The following MBOAT1 variants were observed in gnomAD, a reference collection of about 807,000 sequenced individuals.
MBOAT1 encodes membrane bound glycerophospholipid O-acyltransferase 1.
In MBOAT1, 67 loss-of-function variants were observed where a neutral mutation model predicts 64.4. The observed-to-expected ratio is 1.04, with a 90% CI of 0.85 to 1.27. The LOEUF is 1.27. Ranked by LOEUF, MBOAT1 falls within the 50% of genes most tolerant of loss-of-function variation. MBOAT1 has a pLI of 0.00. For synonymous variants in MBOAT1, 229 were observed against 218.9 expected (o/e 1.05, Z -0.41); for missense variants, 563 against 604.6 (o/e 0.93, Z 0.72).
chr6:20,156,798 C>T (rs1761702353), intron 1 of MBOAT1, among the ~76,000 whole-genome samples: 1 of 152,158 alleles, frequency 6.6e-6, no homozygotes, highest in South Asian at 2.1e-4. Flanking sequence ...TATCCTGAAA[C>T]TTTGCTGAAG....
At chr6:20,158,807 C>T (rs147886386) in intron 1 of MBOAT1, among the ~76,000 whole-genome samples, 36 of 152,298 alleles carry the variant, frequency 2.4e-4, no homozygotes, top group African/African-American at 7.7e-4. Flanking sequence ...CCAGCAGATA[C>T]GTGCAGAAAT....
chr6:20,158,168 A>AAG (rs1761751928), intron 1 of MBOAT1, among the ~76,000 whole-genome samples: 1 of 5,514 alleles, frequency 1.8e-4, no homozygotes. Context: ...AAAAAAAAAG[A>AAG]AAAAAAAAAA....
At chr6:20,165,969 T>C (rs1762005508) in intron 1 of MBOAT1, among the ~76,000 whole-genome samples, 1 of 152,074 alleles carries the variant, frequency 6.6e-6, no homozygotes, top group East Asian at 1.9e-4. Flanking sequence ...TGAATGCTCA[T>C]TTAAAAAAAA....
intron 3 of MBOAT1, among the ~76,000 whole-genome samples, chr6:20,146,986 T>C (rs1206593313): frequency 6.6e-6 from 1 of 152,114 alleles, no homozygotes; most frequent in African/African-American, 2.4e-5. Flanking sequence ...GGGAGGTAAT[T>C]GAATCATGGG....
chr6:20,135,933 G>A (rs991787902), intron 4 of MBOAT1, among the ~76,000 whole-genome samples: 2 of 152,174 alleles, frequency 1.3e-5, no homozygotes, highest in Non-Finnish European at 2.9e-5. Flanking sequence ...AAGATACAAT[G>A]TGACTTGTAC....
chr6:20,114,658 A>T (rs1760267778), intron 10 of MBOAT1, among the ~76,000 whole-genome samples: 2 of 152,066 alleles, frequency 1.3e-5, no homozygotes, highest in African/African-American at 2.4e-5. Flanking sequence ...CAAGGTGGGT[A>T]GATCACCTGA....
chr6:20,142,301 G>C (rs1761201607), intron 4 of MBOAT1, among the ~76,000 whole-genome samples: 1 of 152,100 alleles, frequency 6.6e-6, no homozygotes, highest in South Asian at 2.1e-4. Flanking sequence ...AGGGCTCTGG[G>C]GTGAAACCAA....
At chr6:20,169,870 C>T (rs1762139843) in intron 1 of MBOAT1, among the ~76,000 whole-genome samples, 1 of 152,150 alleles carries the variant, frequency 6.6e-6, no homozygotes, top group Middle Eastern at 3.2e-3. Context: ...TTTTAACCTC[C>T]CTTTGTGCCA....
chr6:20,115,325 C>A lies in MBOAT1; in HGVS notation c.1039G>T (p.Glu347Ter). The A allele has an allele frequency of 1.2e-6, 2 of 1,610,168 alleles. No individual in the cohort carries two copies. Among genetic ancestry groups the A allele is most frequent in the African/African-American group, 2.7e-5 (2 of 74,876 alleles). ...GTAGCTGTCTGAATATTCCAGTTTT[C>A]CAAGTACATTTTGAAACTTGTGGCA... ...ETATSFKMYL[E>*]NWNIQTATWL... The change falls in exon 10 of 13, where the codon GAA becomes TAA. Residue 347 changes from glutamate (E) to a stop codon, truncating the protein, a stop_gained. Coordinates refer to ENST00000324607, the MANE Select transcript of MBOAT1 (RefSeq NM_001080480.3). LOFTEE classifies it high-confidence loss of function.
At chr6:20,104,426 T>C (rs1467726344) in intron 12 of MBOAT1, among the ~76,000 whole-genome samples, 3 of 152,184 alleles carry the variant, frequency 2.0e-5, no homozygotes, top group Non-Finnish European at 4.4e-5. Flanking sequence ...ATAACTGTCA[T>C]CTAAACTAAT....
At chr6:20,164,698 A>G (rs554573491) in intron 1 of MBOAT1, among the ~76,000 whole-genome samples, 31 of 152,334 alleles carry the variant, frequency 2.0e-4, no homozygotes, top group Non-Finnish European at 3.2e-4. Context: ...TGAGATCCAC[A>G]GCTTCAACTT....
intron 1 of MBOAT1, among the ~76,000 whole-genome samples, chr6:20,160,520 A>G (rs1180191266): frequency 6.6e-6 from 1 of 152,220 alleles, no homozygotes; most frequent in African/African-American, 2.4e-5. Flanking sequence ...ATTGGGAGAA[A>G]ATATTTGCAA....
At chr6:20,111,274 G>A (rs1180256836) in intron 11 of MBOAT1, among the ~76,000 whole-genome samples, 2 of 152,166 alleles carry the variant, frequency 1.3e-5, no homozygotes, top group Non-Finnish European at 2.9e-5. Flanking sequence ...CAGCCCCAAA[G>A]CAGAAGATGC....
chr6:20,139,489 T>A (rs893029035), intron 4 of MBOAT1, among the ~76,000 whole-genome samples: 2 of 150,894 alleles, frequency 1.3e-5, no homozygotes, highest in Non-Finnish European at 2.9e-5. Flanking sequence ...TGGGTGGACA[T>A]GAATCTTGGG....
chr6:20,197,763 C>T (rs750953554), intron 1 of MBOAT1, among the ~76,000 whole-genome samples: 16 of 152,152 alleles, frequency 1.1e-4, no homozygotes, highest in African/African-American at 1.7e-4. Flanking sequence ...GGGTACATGT[C>T]GTCAGGACCC....
intron 1 of MBOAT1, among the ~76,000 whole-genome samples, chr6:20,168,545 GA>G (rs1762081014): frequency 7.1e-6 from 1 of 140,846 alleles, no homozygotes; most frequent in Non-Finnish European, 1.5e-5. Flanking sequence ...GAGGAGAGGA[GA>G]GGGAAACAGA....
At chr6:20,161,986 G>A (rs1761878752) in intron 1 of MBOAT1, among the ~76,000 whole-genome samples, 1 of 152,124 alleles carries the variant, frequency 6.6e-6, no homozygotes, top group Non-Finnish European at 1.5e-5. Flanking sequence ...TGAGACCTCT[G>A]TCCTTGGCTC....
At chr6:20,151,491 G>A (rs1250194053) in intron 2 of MBOAT1, among the ~76,000 whole-genome samples, 1 of 152,184 alleles carries the variant, frequency 6.6e-6, no homozygotes, top group Non-Finnish European at 1.5e-5. Flanking sequence ...AATAATGTCA[G>A]GAATCCATAA....
In MBOAT1 at chr6:20,100,722, C is replaced by T. The variant is rs757231094; in HGVS notation, c.*1564G>A. On this transcript the variant is annotated 3_prime_UTR_variant, in exon 13 of 13. Coordinates refer to ENST00000324607, the MANE Select transcript of MBOAT1 (RefSeq NM_001080480.3). ...CAGAAACATTTCTTTTATATGGGAACATACTGTTTATTCAATAAGAAATTA... is the reference window on the plus strand; with the variant it reads ...CAGAAACATTTCTTTTATATGGGAATATACTGTTTATTCAATAAGAAATTA... 6.6e-6 allele frequency among the ~76,000 whole-genome samples: 1 copy of T among 152,140 alleles called. No homozygotes were observed. Among genetic ancestry groups the T allele is most frequent in the Non-Finnish European group, 1.5e-5 (1 of 68,032 alleles).
Sources: gnomAD v4.1 joint callset for allele counts (sites outside exome capture counted in the v4.1 genomes callset) on GRCh38, gnomAD v4.1.1 for gene constraint, MANE v1.5 for transcripts, NCBI Gene and HGNC (gene_info 2026-07-23, HGNC 2026-07-21) for gene names.